Variants in UBXN2B observed in about 807,000 individuals in gnomAD.
The protein encoded by UBXN2B is UBX domain protein 2B.
A neutral mutation model predicts 37.5 loss-of-function variants in UBXN2B; 19 were observed. The ratio of observed to expected loss-of-function variants is 0.51; its 90% CI spans 0.35 to 0.74. The LOEUF (loss-of-function observed/expected upper bound fraction) is 0.74, where lower values mean the gene tolerates loss of function less well. UBXN2B is among the 30% of genes least tolerant of loss of function. UBXN2B has a pLI of 0.01. For missense variants in UBXN2B, 370 were observed against 393.2 expected, an observed-to-expected ratio of 0.94 and a Z score of 0.50; for synonymous variants, 145 against 143.8, an observed-to-expected ratio of 1.01 and a Z score of -0.06.
chr8:58,431,834 A>G (rs1248065184), intron 3 of UBXN2B, among the ~76,000 whole-genome samples: 2 of 152,180 alleles, frequency 1.3e-5, no homozygotes, highest in Admixed American at 6.5e-5. Flanking sequence ...CATTTTCTTA[A>G]TAGCTAGTGA....
chr8:58,423,576 C>G (rs1352018056), intron 2 of UBXN2B, among the ~76,000 whole-genome samples: 1 of 151,942 alleles, frequency 6.6e-6, no homozygotes, highest in East Asian at 1.9e-4. Context: ...GCTGGGACTA[C>G]AGGCGCCCGC....
chr8:58,437,763 T>C (rs10111761), intron 5 of UBXN2B, among the ~76,000 whole-genome samples: 22,888 of 152,122 alleles, frequency 0.15, 1,967 homozygotes, highest in African/African-American at 0.23. Context: ...CCGTTGAAGT[T>C]TGGAAAATTC....
At chr8:58,416,509 C>T (rs1807786819) in intron 1 of UBXN2B, among the ~76,000 whole-genome samples, 1 of 152,118 alleles carries the variant, frequency 6.6e-6, no homozygotes, top group Non-Finnish European at 1.5e-5. Context: ...TTAGTGTGAA[C>T]ATCTTCAGGA....
chr8:58,425,578 CG>C (rs1314912459), intron 2 of UBXN2B: 4 of 1,063,094 alleles, frequency 3.8e-6, no homozygotes, highest in Non-Finnish European at 5.8e-6. Context: ...ACCCTCTTTT[CG>C]GCCGTAGAGA....
intron 6 of UBXN2B, among the ~76,000 whole-genome samples, chr8:58,445,569 C>T (rs1220012868): frequency 6.6e-6 from 1 of 152,148 alleles, no homozygotes; most frequent in African/African-American, 2.4e-5. Flanking sequence ...CAACTTTACA[C>T]AGTTGACATG....
chr8:58,414,611 T>C (rs748742361), intron 1 of UBXN2B, among the ~76,000 whole-genome samples: 1 of 152,176 alleles, frequency 6.6e-6, no homozygotes, highest in Admixed American at 6.5e-5. Context: ...CAATTTAAAT[T>C]ATCATTTCCT....
chr8:58,426,216 T>C (rs1808081184), intron 2 of UBXN2B: 5 of 661,880 alleles, frequency 7.6e-6, no homozygotes, highest in East Asian at 2.7e-5. Context: ...TTTTTTTTTT[T>C]TTTTTTTTGA....
At chr8:58,440,255 A>G (rs1485595526) in intron 6 of UBXN2B, among the ~76,000 whole-genome samples, 2 of 152,242 alleles carry the variant, frequency 1.3e-5, no homozygotes, top group African/African-American at 2.4e-5. Flanking sequence ...GTTGTCGATG[A>G]GATAAAATAA....
At chr8:58,416,023 G>A (rs981911192) in intron 1 of UBXN2B, among the ~76,000 whole-genome samples, 1 of 150,726 alleles carries the variant, frequency 6.6e-6, no homozygotes, top group Non-Finnish European at 1.5e-5. Context: ...TTATGATTTT[G>A]GGTTTTTTTG....
At chr8:58,435,162 A>T (rs1808380144) in intron 5 of UBXN2B, 1 of 1,338,292 alleles carries the variant, frequency 7.5e-7, no homozygotes, top group East Asian at 3.2e-5. Flanking sequence ...AAAGTTGAGC[A>T]TAAACTGGGG....
Position 58,439,723 on chromosome 8 carries a change from T to C in UBXN2B, c.624T>C (p.Pro208=), listed in dbSNP as rs1808497197. The change falls in exon 6 of 8, where the codon CCT becomes CCC. Residue 208 remains proline, a synonymous_variant. Coordinates refer to ENST00000399598, the MANE Select transcript of UBXN2B (RefSeq NM_001077619.2). ...ATCAGGATCAAGAATACATAAAACC[T>C]AGATTGAGGTTCAAGGCTTTTAGTG... ...EDHQDQEYIK[P]RLRFKAFSGE... is the part of the protein sequence containing the mutation. 1 of 1,608,784 alleles carries C rather than the reference T, an allele frequency of 6.2e-7. No homozygotes were observed. Among genetic ancestry groups the C allele is most frequent in the African/African-American group, 1.3e-5 (1 of 74,762 alleles).
In UBXN2B at chr8:58,446,049, A is replaced by G; in HGVS notation, c.814A>G (p.Arg272Gly). Residue 272 changes from arginine to glycine, a missense_variant, in exon 7 of 8, where the codon AGA (arginine) becomes GGA (glycine). Coordinates refer to ENST00000399598, the MANE Select transcript of UBXN2B (RefSeq NM_001077619.2). ...AGCAGATGGGAGTCGTTTGATACAAAGATTCAATAGTACACACAGGTAAGC... is the reference window on the plus strand; with the variant it reads ...AGCAGATGGGAGTCGTTTGATACAAGGATTCAATAGTACACACAGGTAAGC... ...RLADGSRLIQ[R>G]FNSTHRILDV... 1.2e-6 allele frequency: 2 copies of G among 1,611,646 alleles called. No homozygotes were observed. Among genetic ancestry groups the G allele is most frequent in the Non-Finnish European group, 1.7e-6 (2 of 1,179,372 alleles).
At chr8:58,416,819 T>C (rs1487086789) in intron 1 of UBXN2B, 31 bp from the exon 2 acceptor site, 3 of 1,592,298 alleles carry the variant, frequency 1.9e-6, no homozygotes, top group East Asian at 2.2e-5. Context: ...TTCCTAGTGT[T>C]ATACTTTGTA....
rs1037921121 is a variant in UBXN2B at position 58,449,038 on chromosome 8, A to G, written c.*1487A>G. 6.6e-6 allele frequency: 1 copy of G among 152,130 alleles called. No individual in the cohort carries two copies. The allele number at this position is 152,130 out of a possible 1,614,324, so 9.4% of individuals were successfully genotyped here. On this transcript the variant is annotated 3_prime_UTR_variant, in exon 8 of 8. Coordinates refer to ENST00000399598, the MANE Select transcript of UBXN2B (RefSeq NM_001077619.2). ...CCTTGGCTTGTGACCTCCTTCTTCC[A>G]TCTTAAAAACCAGTGCTGTTTCATC...
At chr8:58,419,943 G>A (rs1451247153) in intron 2 of UBXN2B, among the ~76,000 whole-genome samples, 1 of 152,146 alleles carries the variant, frequency 6.6e-6, no homozygotes, top group Non-Finnish European at 1.5e-5. Flanking sequence ...ATTCTTAATT[G>A]GTTTTGAACA....
At chr8:58,431,299 T>C (rs1808267867) in intron 3 of UBXN2B, among the ~76,000 whole-genome samples, 1 of 152,166 alleles carries the variant, frequency 6.6e-6, no homozygotes, top group Non-Finnish European at 1.5e-5. Context: ...ATGGTGAAAC[T>C]ACAGTGTTAT....
intron 3 of UBXN2B, 111 bp downstream of exon 3, chr8:58,430,780 ATT>A (rs2129604185): frequency 1.2e-6 from 1 of 859,480 alleles, no homozygotes; most frequent in African/African-American, 1.8e-5. Context: ...TGTTTTAAAT[ATT>A]TGTTTCATTT....
At chr8:58,423,929 C>G (rs1157593351) in intron 2 of UBXN2B, among the ~76,000 whole-genome samples, 3 of 151,058 alleles carry the variant, frequency 2.0e-5, no homozygotes, top group Admixed American at 1.3e-4. Context: ...AATTGGTCAT[C>G]GGCTGGAAAA....
At chr8:58,418,217 A>G (rs1482538858) in intron 2 of UBXN2B, among the ~76,000 whole-genome samples, 1 of 147,592 alleles carries the variant, frequency 6.8e-6, no homozygotes, top group African/African-American at 2.5e-5. Context: ...CTCCAGCCTG[A>G]ATGATGGAGA....
Sources: gnomAD v4.1 joint callset for allele counts (sites outside exome capture counted in the v4.1 genomes callset) on GRCh38, gnomAD v4.1.1 for gene constraint, MANE v1.5 for transcripts, NCBI Gene and HGNC (gene_info 2026-07-23, HGNC 2026-07-21) for gene names.